Variants in SCCPDH observed in about 807,000 individuals in gnomAD.
The protein encoded by SCCPDH is saccharopine dehydrogenase (putative), also known as saccharopine dehydrogenase-like oxidoreductase.
SCCPDH carries 34 observed loss-of-function variants against 51.5 expected under a neutral mutation model. The ratio of observed to expected loss-of-function variants is 0.66; its 90% CI spans 0.50 to 0.88. The LOEUF (loss-of-function observed/expected upper bound fraction) is 0.88, where lower values mean the gene tolerates loss of function less well. Among genes scored for constraint, SCCPDH ranks in the 40% least tolerant of loss-of-function variants. The probability of loss-of-function intolerance (pLI) is 0.00; values close to 1 mark genes in which losing one functional copy is unlikely to be tolerated. For synonymous variants in SCCPDH, 187 were observed against 191.3 expected, an observed-to-expected ratio of 0.98 and a Z score of 0.19; for missense variants, 464 against 527.1, an observed-to-expected ratio of 0.88 and a Z score of 1.17.
intron 2 of SCCPDH, among the ~76,000 whole-genome samples, chr1:246,727,502 G>A (rs1429196436): frequency 6.6e-6 from 1 of 152,116 alleles, no homozygotes; most frequent in East Asian, 1.9e-4. Context: ...AAAATCCCTC[G>A]TGGACATTAC....
At chr1:246,748,106 C>A (rs555645743) in intron 5 of SCCPDH, among the ~76,000 whole-genome samples, 10 of 151,926 alleles carry the variant, frequency 6.6e-5, no homozygotes, top group Non-Finnish European at 1.3e-4. Context: ...CTTTGCTGCT[C>A]GACTTTATCC....
chr1:246,728,195 A>G (rs1351824438), intron 2 of SCCPDH, among the ~76,000 whole-genome samples: 1 of 152,258 alleles, frequency 6.6e-6, no homozygotes, highest in Non-Finnish European at 1.5e-5. Flanking sequence ...TGAAGAAGCC[A>G]TCACAGTTGG....
intron 2 of SCCPDH, among the ~76,000 whole-genome samples, chr1:246,732,124 T>A (rs2102980739): frequency 6.6e-6 from 1 of 151,826 alleles, no homozygotes; most frequent in East Asian, 1.9e-4. Flanking sequence ...ATTTGAAGAG[T>A]GGATATGTTA....
At chr1:246,728,349 A>G (rs1252077148) in intron 2 of SCCPDH, among the ~76,000 whole-genome samples, 1 of 152,238 alleles carries the variant, frequency 6.6e-6, no homozygotes, top group African/African-American at 2.4e-5. Context: ...CATGAGGTCC[A>G]CTGCTGCACT....
At chr1:246,760,553 C>A (rs1186607105) in intron 9 of SCCPDH, among the ~76,000 whole-genome samples, 1 of 152,096 alleles carries the variant, frequency 6.6e-6, no homozygotes, top group African/African-American at 2.4e-5. Flanking sequence ...ATTCTTCTTC[C>A]TCCATTTTTC....
At chr1:246,761,664 A>T (rs1669017973) in intron 9 of SCCPDH, among the ~76,000 whole-genome samples, 2 of 152,160 alleles carry the variant, frequency 1.3e-5, no homozygotes, top group Admixed American at 1.3e-4. Flanking sequence ...TCTTTTTGTG[A>T]CTGGCTTATT....
chr1:246,728,647 G>A (rs1040976945), intron 2 of SCCPDH, among the ~76,000 whole-genome samples: 7 of 151,962 alleles, frequency 4.6e-5, no homozygotes, highest in Non-Finnish European at 7.4e-5. Context: ...TTAGTATCCC[G>A]TCTCTCTTTC....
At chr1:246,751,278 T>C (rs1668847834) in intron 5 of SCCPDH, among the ~76,000 whole-genome samples, 1 of 152,164 alleles carries the variant, frequency 6.6e-6, no homozygotes, top group Admixed American at 6.5e-5. Flanking sequence ...AAGTTTTTTA[T>C]AGACTCTTTT....
intron 5 of SCCPDH, among the ~76,000 whole-genome samples, chr1:246,756,499 G>A (rs1022030467): frequency 2.0e-5 from 3 of 152,166 alleles, no homozygotes; most frequent in Non-Finnish European, 2.9e-5. Context: ...AACGCAAATA[G>A]TTTTTTAAAT....
rs141357314 is a variant in SCCPDH, at chr1:246,733,167, G to T, written c.304-2808G>T. On this transcript the variant is annotated intron_variant, in intron 2 of 11. Coordinates refer to ENST00000366510, the MANE Select transcript of SCCPDH (RefSeq NM_016002.3). Reference sequence around the variant, plus strand: ...AGTGGCACGAACACAGCTCACTGCTGCCTCAACCTCCTGGGCTCAAGGGAT... The same window carrying T: ...AGTGGCACGAACACAGCTCACTGCTTCCTCAACCTCCTGGGCTCAAGGGAT... Among the ~76,000 whole-genome samples the T allele has an allele frequency of 9.9e-5, 15 of 152,114 alleles. 1 individual carries two copies. The East Asian group carries it at 2.7e-3, about 27-fold the overall frequency.
intron 5 of SCCPDH, among the ~76,000 whole-genome samples, chr1:246,754,794 C>T (rs1360791227): frequency 6.6e-6 from 1 of 152,156 alleles, no homozygotes; most frequent in Non-Finnish European, 1.5e-5. Flanking sequence ...ATAATGTTCC[C>T]TCTTTTATTC....
At chr1:246,758,589 A>G (rs188376651) in intron 6 of SCCPDH, among the ~76,000 whole-genome samples, 1 of 152,238 alleles carries the variant, frequency 6.6e-6, no homozygotes, top group Non-Finnish European at 1.5e-5. Context: ...TAATTAATCC[A>G]TTACCATAAG....
At chr1:246,742,559 G>A (rs1047735240) in intron 4 of SCCPDH, among the ~76,000 whole-genome samples, 1 of 152,136 alleles carries the variant, frequency 6.6e-6, no homozygotes, top group Non-Finnish European at 1.5e-5. Flanking sequence ...CATCAGAATC[G>A]CTCTAGTGAG....
At chr1:246,749,381 T>G (rs1212714372) in intron 5 of SCCPDH, among the ~76,000 whole-genome samples, 1 of 152,216 alleles carries the variant, frequency 6.6e-6, no homozygotes, top group Non-Finnish European at 1.5e-5. Context: ...TCATTGGGTA[T>G]ATAATGAGAG....
At chr1:246,747,836 T>C (rs1255863227) in intron 5 of SCCPDH, among the ~76,000 whole-genome samples, 3 of 152,184 alleles carry the variant, frequency 2.0e-5, no homozygotes, top group Non-Finnish European at 2.9e-5. Context: ...TCAGAGCAGG[T>C]GATAGAGGCT....
rs560066163 is a variant in SCCPDH at position 246,727,795 on chromosome 1, G to A, written c.303+791G>A. On this transcript the variant is annotated intron_variant, in intron 2 of 11. Transcript: ENST00000366510. ...AGACTGAAGAGTGTGACAGAGGCCAGTGTGGCTGGGCATGGCAGAGAGGTG... is the reference window on the plus strand; with the variant it reads ...AGACTGAAGAGTGTGACAGAGGCCAATGTGGCTGGGCATGGCAGAGAGGTG... 2.6e-5 allele frequency among the ~76,000 whole-genome samples: 4 copies of A among 152,290 alleles called. No homozygotes were observed. In the South Asian group the frequency reaches 8.3e-4, roughly 32 times the overall value.
At chr1:246,764,410 A>G (rs1669060415) in intron 10 of SCCPDH, 53 bp downstream of exon 10, 1 of 951,060 alleles carries the variant, frequency 1.1e-6, no homozygotes, top group Non-Finnish European at 1.7e-6. Context: ...CTTAAGCTAT[A>G]AAGTACAATG....
In SCCPDH at chr1:246,767,344, A is replaced by C. The variant is rs761163877; in HGVS notation, c.*44A>C. 4 of 1,146,270 alleles carry C rather than the reference A, an allele frequency of 3.5e-6. No individual in the cohort carries two copies. The highest frequency in any genetic ancestry group is 4.9e-6 in the Non-Finnish European group (4 of 810,640). 71.0% of individuals were successfully genotyped at this position (1,146,270 alleles called of 1,614,324 possible). ...GAAGTCATAACGTGCGTGAATTAAC[A>C]GCTTCTCTATTTGATATTTGAAATT... On this transcript the variant is annotated 3_prime_UTR_variant, in exon 12 of 12. Transcript: ENST00000366510.
At chr1:246,737,233 T>A (rs1486835675) in intron 3 of SCCPDH, among the ~76,000 whole-genome samples, 22 of 143,002 alleles carry the variant, frequency 1.5e-4, no homozygotes, top group South Asian at 1.3e-3. Context: ...GGAAACAAAT[T>A]AAAAAAAAAA....
Sources: gnomAD v4.1 joint callset for allele counts (sites outside exome capture counted in the v4.1 genomes callset) on GRCh38, gnomAD v4.1.1 for gene constraint, MANE v1.5 for transcripts, NCBI Gene and HGNC (gene_info 2026-07-23, HGNC 2026-07-21) for gene names.